The following SNTG1 variants were observed in gnomAD, a reference collection of about 807,000 sequenced individuals.
SNTG1 encodes the protein syntrophin gamma 1.
In SNTG1, 39 loss-of-function variants were observed where a neutral mutation model predicts 74.7. The ratio of observed to expected loss-of-function variants is 0.52; its 90% confidence interval spans 0.40 to 0.68. The LOEUF (loss-of-function observed/expected upper bound fraction) is 0.68, where lower values mean the gene tolerates loss of function less well. Ranked by LOEUF, SNTG1 falls within the 30% of genes least tolerant of loss-of-function variation. The probability of loss-of-function intolerance (pLI) is 0.00; values close to 1 mark genes in which losing one functional copy is unlikely to be tolerated. For missense variants in SNTG1, 685 were observed against 609.5 expected, an observed-to-expected ratio of 1.12 and a Z score of -1.30; for synonymous variants, 254 against 217.1, an observed-to-expected ratio of 1.17 and a Z score of -1.49.
At chr8:50,173,883 C>A (rs1431174155) in intron 2 of SNTG1, among the ~76,000 whole-genome samples, 1 of 152,156 alleles carries the variant, frequency 6.6e-6, no homozygotes, top group South Asian at 2.1e-4. Context: ...AGGTTTGTTA[C>A]ATAGGTATAC....
intron 15 of SNTG1, among the ~76,000 whole-genome samples, chr8:50,680,851 C>T (rs1201643355): frequency 2.0e-5 from 3 of 152,014 alleles, no homozygotes; most frequent in South Asian, 2.1e-4. Flanking sequence ...GTAAATGACC[C>T]GCAGGTAAGC....
intron 2 of SNTG1, among the ~76,000 whole-genome samples, chr8:50,245,310 T>C (rs1192367580): frequency 1.3e-5 from 2 of 152,168 alleles, no homozygotes; most frequent in Non-Finnish European, 2.9e-5. Flanking sequence ...ATAGATTCTT[T>C]GGTTTCTTCT....
At chr8:50,293,905 T>A (rs2089244548) in intron 2 of SNTG1, among the ~76,000 whole-genome samples, 1 of 152,168 alleles carries the variant, frequency 6.6e-6, no homozygotes, top group East Asian at 1.9e-4. Context: ...CAGAAATAAT[T>A]CAATATTTGA....
chr8:50,746,588 G>A (rs2095555575), intron 17 of SNTG1, among the ~76,000 whole-genome samples: 3 of 151,864 alleles, frequency 2.0e-5, no homozygotes, highest in South Asian at 4.1e-4. Flanking sequence ...ATGAATAAAT[G>A]TAACATGACA....
At chr8:50,785,953 A>C (rs1321792548) in intron 18 of SNTG1, among the ~76,000 whole-genome samples, 1 of 152,040 alleles carries the variant, frequency 6.6e-6, no homozygotes, top group Non-Finnish European at 1.5e-5. Context: ...AAAAAAATAA[A>C]TACCATTTCA....
At chr8:50,663,276 C>A (rs1053616021) in intron 15 of SNTG1, among the ~76,000 whole-genome samples, 12 of 152,062 alleles carry the variant, frequency 7.9e-5, no homozygotes, top group African/African-American at 2.7e-4. Flanking sequence ...TAGGAAAAGG[C>A]CTTAATAAAG....
intron 5 of SNTG1, among the ~76,000 whole-genome samples, chr8:50,440,579 T>C (rs1160693633): frequency 6.6e-6 from 1 of 152,216 alleles, no homozygotes; most frequent in Non-Finnish European, 1.5e-5. Context: ...GAATTAGTAT[T>C]TTAATGTTGA....
At chr8:50,782,976 C>G (rs1418993192) in intron 18 of SNTG1, among the ~76,000 whole-genome samples, 1 of 152,130 alleles carries the variant, frequency 6.6e-6, no homozygotes, top group Non-Finnish European at 1.5e-5. Context: ...CACCCCAGAC[C>G]CTGTTTGCCT....
intron 2 of SNTG1, among the ~76,000 whole-genome samples, chr8:50,336,153 C>A (rs935540034): frequency 6.6e-6 from 1 of 152,168 alleles, no homozygotes; most frequent in African/African-American, 2.4e-5. Flanking sequence ...ATGGTCCCTG[C>A]AAACTGCAAA....
chr8:50,075,918 C>T (rs766044668), intron 1 of SNTG1, among the ~76,000 whole-genome samples: 19 of 152,246 alleles, frequency 1.2e-4, no homozygotes, highest in Non-Finnish European at 1.5e-4. Context: ...GAACAAACTC[C>T]GGACATGCCA....
At chr8:50,553,629 A>G (rs2094439565) in intron 12 of SNTG1, among the ~76,000 whole-genome samples, 1 of 152,158 alleles carries the variant, frequency 6.6e-6, no homozygotes, top group Non-Finnish European at 1.5e-5. Flanking sequence ...GTCTCACATT[A>G]GATAGAGCCT....
At chr8:50,792,434 T>C (rs560761338) in intron 18 of SNTG1, among the ~76,000 whole-genome samples, 34 of 152,036 alleles carry the variant, frequency 2.2e-4, no homozygotes, top group Non-Finnish European at 4.3e-4. Context: ...AGAACATTCA[T>C]AGATGGTAAG....
At chr8:50,287,400 T>C (rs1229913873) in intron 2 of SNTG1, among the ~76,000 whole-genome samples, 1 of 152,192 alleles carries the variant, frequency 6.6e-6, no homozygotes, top group Non-Finnish European at 1.5e-5. Context: ...CGTTGCCATC[T>C]GGCCCTTGAT....
intron 2 of SNTG1, among the ~76,000 whole-genome samples, chr8:50,312,055 A>T (rs929638354): frequency 7.7e-6 from 1 of 130,096 alleles, no homozygotes; most frequent in African/African-American, 2.5e-5. Flanking sequence ...TGTGAAGAAT[A>T]TGTTTTTGTA....
intron 18 of SNTG1, among the ~76,000 whole-genome samples, chr8:50,769,149 TACTCTGTA>T (rs2095621065): frequency 1.3e-5 from 2 of 151,580 alleles, no homozygotes; most frequent in African/African-American, 4.9e-5. Context: ...GTGTTAAGAG[TACTCTGTA>T]CTCTTAACAC....
intron 2 of SNTG1, among the ~76,000 whole-genome samples, chr8:50,198,257 C>A (rs1359140641): frequency 6.6e-6 from 1 of 152,256 alleles, no homozygotes; most frequent in East Asian, 1.9e-4. Flanking sequence ...CGGGTTGAAT[C>A]CGCCGGCTCT....
At chr8:50,782,281 A>G (rs995974010) in intron 18 of SNTG1, among the ~76,000 whole-genome samples, 9 of 152,116 alleles carry the variant, frequency 5.9e-5, no homozygotes, top group African/African-American at 2.2e-4. Context: ...GTTCTCCTGG[A>G]TAATATCCTG....
chr8:50,158,111 A>T (rs1270881585), intron 1 of SNTG1, among the ~76,000 whole-genome samples: 2 of 152,128 alleles, frequency 1.3e-5, no homozygotes, highest in African/African-American at 4.8e-5. Flanking sequence ...CCATTTAGAC[A>T]TCAAGATAGG....
At chr8:50,227,633 G>A (rs1243538303) in intron 2 of SNTG1, among the ~76,000 whole-genome samples, 3 of 151,936 alleles carry the variant, frequency 2.0e-5, no homozygotes, top group Non-Finnish European at 4.4e-5. Flanking sequence ...CCTTCCCACT[G>A]CATCAACGCA....
Sources: allele counts gnomAD v4.1 joint callset (sites outside exome capture counted in the v4.1 genomes callset), GRCh38; gene constraint gnomAD v4.1.1; transcripts MANE v1.5; gene names NCBI Gene and HGNC (gene_info 2026-07-23, HGNC 2026-07-21).